SEPTIN7: variants seen among roughly 807,000 people sequenced by gnomAD.
SEPTIN7 encodes the protein septin 7.
Under a neutral mutation model 63.3 loss-of-function variants are expected in SEPTIN7, and 10 were observed. That is an observed-to-expected ratio of 0.16 (90% confidence interval 0.10 to 0.27). The LOEUF (loss-of-function observed/expected upper bound fraction) is 0.27. SEPTIN7 is among the 10% of genes least tolerant of loss of function. The probability of loss-of-function intolerance (pLI) is 1.00; values close to 1 mark genes in which losing one functional copy is unlikely to be tolerated. For missense variants in SEPTIN7, 310 were observed against 521.0 expected (o/e 0.59, Z 3.94); for synonymous variants, 131 against 165.3 (o/e 0.79, Z 1.59).
Position 35,837,486 on chromosome 7 carries a change from C to T in SEPTIN7, c.169+4586C>T, listed in dbSNP as rs1207257460. Reference sequence around the variant, plus strand: ...CATCGTTATAGTTATACCTTTGCTTCAATTTTTATTTATTTTCTTAGAATA... The same window carrying T: ...CATCGTTATAGTTATACCTTTGCTTTAATTTTTATTTATTTTCTTAGAATA... On this transcript the variant is annotated intron_variant, in intron 3 of 13. Coordinates refer to ENST00000350320, the MANE Select transcript of SEPTIN7 (RefSeq NM_001788.6). 2.0e-5 allele frequency among the ~76,000 whole-genome samples: 3 copies of T among 151,964 alleles called. No individual in the cohort carries two copies. In the East Asian group the frequency reaches 5.8e-4, roughly 29 times the overall value.
intron 4 of SEPTIN7, among the ~76,000 whole-genome samples, chr7:35,864,855 A>C (rs1785716285): frequency 6.6e-6 from 1 of 152,100 alleles, no homozygotes; most frequent in African/African-American, 2.4e-5. Flanking sequence ...GCTGGATTTG[A>C]AGAAGTGGTA....
At chr7:35,881,579 TTC>T (rs1786882605) in intron 7 of SEPTIN7, among the ~76,000 whole-genome samples, 1 of 151,794 alleles carries the variant, frequency 6.6e-6, no homozygotes, top group Admixed American at 6.6e-5. Context: ...ACAATTTTAC[TTC>T]TGTTTACTTC....
intron 11 of SEPTIN7, among the ~76,000 whole-genome samples, chr7:35,896,456 T>G (rs1227157427): frequency 1.3e-5 from 2 of 152,114 alleles, no homozygotes; most frequent in Non-Finnish European, 2.9e-5. Flanking sequence ...TAACAAAAGC[T>G]TTGGACCCTT....
chr7:35,826,500 G>T (rs1272968038), intron 1 of SEPTIN7, among the ~76,000 whole-genome samples: 1 of 151,574 alleles, frequency 6.6e-6, no homozygotes, highest in African/African-American at 2.4e-5. Flanking sequence ...GTAAACCTTG[G>T]ATTTTTGTAG....
rs79977240 is a variant in SEPTIN7 at position 35,833,503 on chromosome 7, A to G, written c.169+603A>G. Among the ~76,000 whole-genome samples, 408 of 152,144 alleles carry G rather than the reference A, an allele frequency of 2.7e-3. 2 individuals are homozygous for G. The highest frequency in any genetic ancestry group is 9.4e-3 in the African/African-American group (390 of 41,560). On this transcript the variant is annotated intron_variant, in intron 3 of 13. Coordinates refer to ENST00000350320, the MANE Select transcript of SEPTIN7 (RefSeq NM_001788.6). ...AGGATAATTTTGACTGTAGGTTGGT[A>G]GCATCATTATTAAATATGAAGAAAC...
intron 3 of SEPTIN7, among the ~76,000 whole-genome samples, chr7:35,833,836 A>G (rs763479007): frequency 4.4e-4 from 67 of 151,974 alleles, no homozygotes; most frequent in Non-Finnish European, 8.4e-4. Context: ...CTAGCTGTGA[A>G]ATACTCCTTT....
intron 3 of SEPTIN7, among the ~76,000 whole-genome samples, chr7:35,838,818 G>C (rs762844548): frequency 2.6e-5 from 4 of 152,076 alleles, no homozygotes; most frequent in Non-Finnish European, 5.9e-5. Flanking sequence ...AATCCGTATG[G>C]TTTTTTGATC....
chr7:35,835,665 G>A (rs1784050323), intron 3 of SEPTIN7, among the ~76,000 whole-genome samples: 2 of 152,170 alleles, frequency 1.3e-5, no homozygotes, highest in Non-Finnish European at 2.9e-5. Context: ...AAGAGAGAAT[G>A]AATGAGAATG....
At chr7:35,880,208 CTTTTTTTTTCTTTTCTT>C (rs1786759034) in intron 7 of SEPTIN7, among the ~76,000 whole-genome samples, 1 of 96,428 alleles carries the variant, frequency 1.0e-5, no homozygotes, top group Non-Finnish European at 2.2e-5. Flanking sequence ...CTTTTCTTTT[CTTTTTTTTTCTTTTCTT>C]TTTTTTTTTT....
At chr7:35,885,642 T>C (rs1399852329) in intron 9 of SEPTIN7, among the ~76,000 whole-genome samples, 186 bp from the exon 10 acceptor site, 1 of 152,220 alleles carries the variant, frequency 6.6e-6, no homozygotes, top group Admixed American at 6.5e-5. Context: ...AATAAGGCAA[T>C]AATAGAGTAC....
intron 10 of SEPTIN7, among the ~76,000 whole-genome samples, chr7:35,886,605 G>T (rs1470260790): frequency 1.3e-5 from 2 of 152,048 alleles, no homozygotes; most frequent in African/African-American, 2.4e-5. Flanking sequence ...ACCTGACTCC[G>T]CATTTCCCAC....
chr7:35,865,898 T>C (rs1245911961), intron 4 of SEPTIN7, among the ~76,000 whole-genome samples: 1 of 152,228 alleles, frequency 6.6e-6, no homozygotes. Flanking sequence ...AAATAAATTG[T>C]CTAAACCCAT....
At chr7:35,897,494 G>A (rs1212615312) in intron 11 of SEPTIN7, among the ~76,000 whole-genome samples, 2 of 151,746 alleles carry the variant, frequency 1.3e-5, no homozygotes. Flanking sequence ...GGACTTCAAC[G>A]TCAACAGAGT....
chr7:35,891,331 A>T (rs1562583590), intron 11 of SEPTIN7, among the ~76,000 whole-genome samples: 2 of 152,148 alleles, frequency 1.3e-5, no homozygotes, highest in African/African-American at 4.8e-5. Context: ...TTTCTGAGAA[A>T]TGTGTCATTG....
At chr7:35,912,389 C>T in the SEPTIN7 span, among the ~76,000 whole-genome samples, 1 of 152,212 alleles carries the variant, frequency 6.6e-6, no homozygotes, top group Non-Finnish European at 1.5e-5. Context: ...CCCTTTATTT[C>T]TGGCCATCTC....
intron 11 of SEPTIN7, among the ~76,000 whole-genome samples, chr7:35,897,977 T>C (rs1788054727): frequency 7.4e-6 from 1 of 134,272 alleles, no homozygotes; most frequent in Non-Finnish European, 1.6e-5. Flanking sequence ...TGAATGTATT[T>C]TGGGAATTTT....
chr7:35,815,936 G>A (rs577694484), intron 1 of SEPTIN7, among the ~76,000 whole-genome samples: 10 of 151,858 alleles, frequency 6.6e-5, no homozygotes, highest in East Asian at 1.9e-4. Flanking sequence ...CCCACACATC[G>A]ATAGAGGTAA....
intron 3 of SEPTIN7, among the ~76,000 whole-genome samples, chr7:35,835,092 C>T (rs1377822201): frequency 6.6e-6 from 1 of 151,922 alleles, no homozygotes; most frequent in African/African-American, 2.4e-5. Context: ...CTGTGTATTC[C>T]CATATTTTCT....
chr7:35,851,543 G>A (rs1392449545), intron 3 of SEPTIN7, among the ~76,000 whole-genome samples: 9 of 152,036 alleles, frequency 5.9e-5, no homozygotes, highest in Non-Finnish European at 1.3e-4. Flanking sequence ...TCTTAAGCCA[G>A]TATATATATT....
Sources: gnomAD v4.1 joint callset for allele counts (sites outside exome capture counted in the v4.1 genomes callset) on GRCh38, gnomAD v4.1.1 for gene constraint, MANE v1.5 for transcripts, NCBI Gene and HGNC (gene_info 2026-07-23, HGNC 2026-07-21) for gene names.